The following HAUS6 variants were observed in gnomAD, a reference collection of about 807,000 sequenced individuals.
HAUS6 encodes the protein HAUS augmin-like complex subunit 6.
A neutral mutation model predicts 106.8 loss-of-function variants in HAUS6; 80 were observed. The observed-to-expected ratio is 0.75, with a 90% CI of 0.63 to 0.90. HAUS6 has a LOEUF of 0.90. HAUS6 is among the 40% of genes least tolerant of loss of function. HAUS6 has a pLI of 0.00. For missense variants in HAUS6, 1,155 were observed against 1,118.1 expected, an observed-to-expected ratio of 1.03 and a Z score of -0.47; for synonymous variants, 356 against 379.1, an observed-to-expected ratio of 0.94 and a Z score of 0.71.
At chr9:19,065,749 G>A (rs1836748556) in intron 12 of HAUS6, among the ~76,000 whole-genome samples, 1 of 151,996 alleles carries the variant, frequency 6.6e-6, no homozygotes, top group East Asian at 1.9e-4. Context: ...GCTGAAGCAA[G>A]AGAATCGCTT....
chr9:19,091,683 G>C (rs1817752418), intron 4 of HAUS6, among the ~76,000 whole-genome samples: 2 of 152,020 alleles, frequency 1.3e-5, no homozygotes, highest in African/African-American at 4.8e-5. Flanking sequence ...ACTTTTTTGA[G>C]ACTGAGTCTG....
At chr9:19,097,481 CAA>C (rs1191786133) in intron 1 of HAUS6, among the ~76,000 whole-genome samples, 1 of 151,658 alleles carries the variant, frequency 6.6e-6, no homozygotes. Context: ...TTTATGCAGC[CAA>C]AAAACACATG....
At chr9:19,081,928 C>G (rs574560046) in intron 8 of HAUS6, among the ~76,000 whole-genome samples, 67 of 152,146 alleles carry the variant, frequency 4.4e-4, no homozygotes, top group African/African-American at 1.4e-3. Flanking sequence ...TTCAGAGAGT[C>G]ACAACAATAT....
At chr9:19,080,844 G>C (rs536993264) in intron 8 of HAUS6, among the ~76,000 whole-genome samples, 172 bp from the exon 9 acceptor site, 1 of 152,230 alleles carries the variant, frequency 6.6e-6, no homozygotes, top group African/African-American at 2.4e-5. Context: ...GGGGTGGTGG[G>C]GGCGGATCAC....
At chr9:19,059,081 T>A in intron 15 of HAUS6, 80 bp from the exon 16 acceptor site, 2 of 765,050 alleles carry the variant, frequency 2.6e-6, no homozygotes, top group Non-Finnish European at 4.3e-6. Flanking sequence ...TTTCTAACAC[T>A]GAAGATAAAG....
intron 14 of HAUS6, 65 bp from the exon 15 acceptor site, chr9:19,060,288 CCT>C: frequency 1.6e-6 from 2 of 1,288,062 alleles, no homozygotes; most frequent in African/African-American, 1.5e-5. Context: ...CAACAAAACC[CCT>C]GATAAGGATA....
At chr9:19,095,183 CAA>C (rs1286227673) in intron 2 of HAUS6, among the ~76,000 whole-genome samples, 1 of 151,426 alleles carries the variant, frequency 6.6e-6, no homozygotes, top group African/African-American at 2.4e-5. Context: ...TGTGGCTAAA[CAA>C]GACAGAAAAA....
intron 8 of HAUS6, among the ~76,000 whole-genome samples, chr9:19,081,096 C>A (rs1588615584): frequency 6.6e-6 from 1 of 151,324 alleles, no homozygotes; most frequent in Non-Finnish European, 1.5e-5. Flanking sequence ...AAAAAAAAAG[C>A]GGGGGGAAAA....
intron 12 of HAUS6, among the ~76,000 whole-genome samples, chr9:19,065,962 C>A (rs1343692680): frequency 7.0e-6 from 1 of 143,432 alleles, no homozygotes; most frequent in Non-Finnish European, 1.5e-5. Flanking sequence ...TTGAGACAGA[C>A]TCTCACTCTG....
Position 19,082,958 on chromosome 9 carries a change from A to C in HAUS6, c.785T>G (p.Val262Gly), listed in dbSNP as rs1837194625. Residue 262 changes from valine (V) to glycine (G), a missense_variant, in exon 8 of 17, where the codon GTT becomes GGT. This residue lies in a region of HAUS6 where 761 missense variants were observed against 690.0 expected (regional missense o/e 1.10). Coordinates refer to ENST00000380502, the MANE Select transcript of HAUS6 (RefSeq NM_017645.5). ...AGTTCCATCTAAAGCATATTGGTTAACAAGACTAAGGACCGAACTAACAAC... is the reference window on the plus strand; with the variant it reads ...AGTTCCATCTAAAGCATATTGGTTACCAAGACTAAGGACCGAACTAACAAC... The part of the protein sequence containing the change: ...REVVSSVLSL[V>G]NQYALDGTNV... The C allele has an allele frequency of 6.4e-7, 1 of 1,565,758 alleles. No homozygotes were observed. The highest frequency in any genetic ancestry group is 2.2e-5 in the East Asian group (1 of 44,476).
intron 1 of HAUS6, among the ~76,000 whole-genome samples, chr9:19,097,104 A>G (rs1433713671): frequency 6.6e-6 from 1 of 152,212 alleles, no homozygotes; most frequent in African/African-American, 2.4e-5. Flanking sequence ...TAAATAGCTA[A>G]TATTTATTAA....
At chr9:19,076,738 C>T (rs1188250959) in intron 10 of HAUS6, 34 bp from the exon 11 acceptor site, 1 of 934,258 alleles carries the variant, frequency 1.1e-6, no homozygotes, top group Non-Finnish European at 1.8e-6. Context: ...TTGAAGTAAA[C>T]ATATTTGCTA....
intron 7 of HAUS6, among the ~76,000 whole-genome samples, chr9:19,084,925 G>A (rs531430124): frequency 4.6e-5 from 7 of 151,338 alleles, no homozygotes; most frequent in African/African-American, 1.7e-4. Flanking sequence ...CTGTACCCCC[G>A]CCTCTTTTTT....
chr9:19,096,159 T>A (rs932860210), intron 2 of HAUS6, among the ~76,000 whole-genome samples: 1 of 152,158 alleles, frequency 6.6e-6, no homozygotes, highest in Non-Finnish European at 1.5e-5. Context: ...TTTTAAGATA[T>A]GTACCAAAGA....
intron 10 of HAUS6, 86 bp downstream of exon 10, chr9:19,078,090 G>C: frequency 9.3e-7 from 1 of 1,079,080 alleles, no homozygotes. Context: ...CTCTACTCCA[G>C]CCTGGGCAAC....
chr9:19,073,239 A>G (rs1311754592), intron 11 of HAUS6, among the ~76,000 whole-genome samples: 1 of 152,196 alleles, frequency 6.6e-6, no homozygotes, highest in Non-Finnish European at 1.5e-5. Context: ...GGTGTTTAAT[A>G]AACAAGTATT....
chr9:19,085,035 C>A (rs529593813), intron 7 of HAUS6, among the ~76,000 whole-genome samples: 2 of 152,268 alleles, frequency 1.3e-5, no homozygotes, highest in South Asian at 4.1e-4. Flanking sequence ...TCAAACAATC[C>A]TCCTGCCTCA....
intron 16 of HAUS6, 44 bp downstream of exon 16, chr9:19,057,917 A>C: frequency 2.5e-6 from 3 of 1,189,076 alleles, no homozygotes; most frequent in Non-Finnish European, 3.6e-6. Flanking sequence ...AAGTTGAGAG[A>C]AAACTTCAAC....
chr9:19,088,494 C>T (rs1263187040), intron 5 of HAUS6, among the ~76,000 whole-genome samples: 7 of 151,430 alleles, frequency 4.6e-5, no homozygotes, highest in Non-Finnish European at 1.0e-4. Flanking sequence ...AAAAAGGATA[C>T]GAAATAAAAT....
Sources: allele counts gnomAD v4.1 joint callset (sites outside exome capture counted in the v4.1 genomes callset), GRCh38; gene constraint gnomAD v4.1.1; regional missense constraint gnomAD v4.1.1; transcripts MANE v1.5; gene names NCBI Gene and HGNC (gene_info 2026-07-23, HGNC 2026-07-21).